The following STAG1 variants were observed in gnomAD, a reference collection of about 807,000 sequenced individuals.
STAG1 encodes cohesin subunit SA-1.
A neutral mutation model predicts 170.9 loss-of-function variants in STAG1; 26 were observed. The observed-to-expected ratio is 0.15, with a 90% CI of 0.11 to 0.21. STAG1 has a LOEUF of 0.21. STAG1 is among the 10% of genes least tolerant of loss of function. The probability of loss-of-function intolerance (pLI) is 1.00; values close to 1 mark genes in which losing one functional copy is unlikely to be tolerated. For synonymous variants in STAG1, 514 were observed against 497.7 expected (o/e 1.03, Z -0.44); for missense variants, 964 against 1,509.5 (o/e 0.64, Z 5.99).
intron 1 of STAG1, among the ~76,000 whole-genome samples, chr3:136,726,385 T>G (rs961048897): frequency 1.4e-4 from 21 of 152,300 alleles, no homozygotes; most frequent in African/African-American, 4.8e-4. Context: ...AAATGTCCCC[T>G]GGGAAGCAAA....
At chr3:136,743,111 A>C (rs1271798773) in intron 1 of STAG1, among the ~76,000 whole-genome samples, 3 of 152,210 alleles carry the variant, frequency 2.0e-5, no homozygotes, top group African/African-American at 7.2e-5. Flanking sequence ...TCACGCCTGT[A>C]ATCCTAACAC....
At chr3:136,517,749 A>G (rs1223645961) in intron 7 of STAG1, among the ~76,000 whole-genome samples, 3 of 152,080 alleles carry the variant, frequency 2.0e-5, no homozygotes, top group East Asian at 1.9e-4. Context: ...TTAAATCCAC[A>G]AACTGTACTA....
chr3:136,739,503 C>CAAAAAAAAAAAAAAAAAAAAAAAAAAAAA, intron 1 of STAG1, among the ~76,000 whole-genome samples: 1 of 45,694 alleles, frequency 2.2e-5, no homozygotes, highest in Non-Finnish European at 4.4e-5. Flanking sequence ...CAGACTCCGT[C>CAAAAAAAAAAAAAAAAAAAAAAAAAAAAA]AAAAAAAAAA....
Position 136,521,442 on chromosome 3 carries a change from T to A in STAG1, c.472-25A>T, listed in dbSNP as rs771169138. On this transcript the variant is annotated intron_variant, in intron 6 of 33. Coordinates refer to ENST00000383202, the MANE Select transcript of STAG1 (RefSeq NM_005862.3). The stretch of plus-strand genomic sequence containing the variant: ...CCTAAAAAACAGAAAAAGAACATAT[T>A]AAGTATGTCACATTACAGAGTTTGA... The A allele has an allele frequency of 3.7e-6, 6 of 1,600,556 alleles. No individual in the cohort carries two copies. The Admixed American group carries it at 6.7e-5, about 18-fold the overall frequency.
intron 1 of STAG1, among the ~76,000 whole-genome samples, chr3:136,741,578 C>T (rs924858802): frequency 1.3e-5 from 2 of 152,148 alleles, no homozygotes; most frequent in Non-Finnish European, 2.9e-5. Context: ...AAGCGATTCT[C>T]CTGCCTCAGC....
At chr3:136,503,205 G>T (rs188170541) in intron 7 of STAG1, among the ~76,000 whole-genome samples, 6 of 152,218 alleles carry the variant, frequency 3.9e-5, no homozygotes, top group Non-Finnish European at 7.4e-5. Flanking sequence ...TGTTTTAGAT[G>T]TTTACAATCA....
At chr3:136,513,431 T>C (rs1934180603) in intron 7 of STAG1, among the ~76,000 whole-genome samples, 1 of 151,126 alleles carries the variant, frequency 6.6e-6, no homozygotes, top group Admixed American at 6.6e-5. Context: ...TTAATAAACA[T>C]GAGGTAACAC....
chr3:136,633,425 A>G (rs1234678703), intron 1 of STAG1, among the ~76,000 whole-genome samples: 4 of 152,076 alleles, frequency 2.6e-5, no homozygotes, highest in African/African-American at 9.7e-5. Context: ...GGGAGGCCAG[A>G]CATGGTGGCT....
intron 1 of STAG1, among the ~76,000 whole-genome samples, chr3:136,737,840 C>A (rs1337874254): frequency 6.6e-6 from 1 of 152,002 alleles, no homozygotes. Flanking sequence ...GAGGCCGAGG[C>A]GGGCGGATCT....
intron 6 of STAG1, among the ~76,000 whole-genome samples, chr3:136,524,669 G>C (rs1347034727): frequency 1.3e-5 from 2 of 152,126 alleles, no homozygotes; most frequent in South Asian, 2.1e-4. Context: ...TCCCTGTCTT[G>C]TGCCAGTTTT....
At chr3:136,722,835 G>A in intron 1 of STAG1, among the ~76,000 whole-genome samples, 1 of 152,118 alleles carries the variant, frequency 6.6e-6, no homozygotes. Flanking sequence ...GCGATTGCAG[G>A]CGCGCGCCAC....
chr3:136,741,206 G>A (rs1389897237), intron 1 of STAG1, among the ~76,000 whole-genome samples: 1 of 152,206 alleles, frequency 6.6e-6, no homozygotes, highest in Non-Finnish European at 1.5e-5. Context: ...GGTTTCACCT[G>A]GACCTCTTCC....
chr3:136,506,538 C>T lies in STAG1; in HGVS notation c.677-3759G>A, dbSNP rs1026622469. On this transcript the variant is annotated intron_variant, in intron 7 of 33. Transcript: ENST00000383202. Reference sequence around the variant, plus strand: ...ACGCACGCCAGTAATCCCAGCTACTCGGTAGGCTGAGGCAGGAGAATGGCT... The same window carrying T: ...ACGCACGCCAGTAATCCCAGCTACTTGGTAGGCTGAGGCAGGAGAATGGCT... 1.2e-4 allele frequency among the ~76,000 whole-genome samples: 18 copies of T among 146,904 alleles called. 1 individual carries two copies. Among genetic ancestry groups the T allele is most frequent in the Admixed American group, 4.1e-4 (6 of 14,680 alleles).
At chr3:136,439,211 A>T (rs1213357495) in intron 15 of STAG1, among the ~76,000 whole-genome samples, 6 of 25,294 alleles carry the variant, frequency 2.4e-4, no homozygotes, top group Middle Eastern at 0.031. Flanking sequence ...AAAAAAAAAA[A>T]AACCCATAAA....
At chr3:136,448,054 C>T (rs1321926565) in intron 14 of STAG1, among the ~76,000 whole-genome samples, 3 of 152,116 alleles carry the variant, frequency 2.0e-5, no homozygotes, top group East Asian at 1.9e-4. Context: ...AAATCAATGA[C>T]TGTCACAGGT....
At chr3:136,489,598 G>A (rs1320005400) in intron 9 of STAG1, among the ~76,000 whole-genome samples, 2 of 152,062 alleles carry the variant, frequency 1.3e-5, no homozygotes, top group Non-Finnish European at 2.9e-5. Context: ...GCAGCACCCA[G>A]TGAATTCAGG....
At chr3:136,595,757 A>C (rs903982060) in intron 4 of STAG1, among the ~76,000 whole-genome samples, 5 of 151,328 alleles carry the variant, frequency 3.3e-5, no homozygotes, top group Admixed American at 1.3e-4. Flanking sequence ...CTAATGGATC[A>C]GTGTTTAAAA....
chr3:136,653,539 T>C (rs1941284104), intron 1 of STAG1, among the ~76,000 whole-genome samples: 1 of 152,174 alleles, frequency 6.6e-6, no homozygotes, highest in South Asian at 2.1e-4. Flanking sequence ...CAGCCACTAT[T>C]CTAAACACTA....
At chr3:136,396,808 G>A (rs1050517732) in intron 22 of STAG1, among the ~76,000 whole-genome samples, 20 of 152,066 alleles carry the variant, frequency 1.3e-4, no homozygotes, top group African/African-American at 4.6e-4. Flanking sequence ...TTACAGGCGC[G>A]AGCCACCGCA....
Sources: allele counts gnomAD v4.1 joint callset (sites outside exome capture counted in the v4.1 genomes callset), GRCh38; gene constraint gnomAD v4.1.1; transcripts MANE v1.5; gene names NCBI Gene and HGNC (gene_info 2026-07-23, HGNC 2026-07-21).